Variants in YJU2B observed in about 807,000 individuals in gnomAD.
YJU2B encodes the protein YJU2 splicing factor homolog B, also known as probable splicing factor YJU2B.
YJU2B carries 18 observed loss-of-function variants against 38.0 expected under a neutral mutation model. The observed-to-expected ratio is 0.47, with a 90% confidence interval of 0.33 to 0.70. YJU2B has a LOEUF of 0.70. YJU2B is among the 30% of genes least tolerant of loss of function. YJU2B has a pLI of 0.02. For synonymous variants in YJU2B, 246 were observed against 225.4 expected, an observed-to-expected ratio of 1.09 and a Z score of -0.82; for missense variants, 538 against 556.3, an observed-to-expected ratio of 0.97 and a Z score of 0.33.
intron 3 of YJU2B, 98 bp downstream of exon 3, chr19:13,754,440 C>A: frequency 9.6e-7 from 1 of 1,042,896 alleles, no homozygotes; most frequent in East Asian, 2.4e-5. Context: ...GGGTGGCCCC[C>A]AAGGTCTTTT....
chr19:13,733,150 C>T (rs1365872278), intron 2 of YJU2B, among the ~76,000 whole-genome samples: 2 of 150,246 alleles, frequency 1.3e-5, no homozygotes, highest in African/African-American at 2.4e-5. Context: ...AGGATAGTCT[C>T]GATCTCCTGA....
chr19:13,751,520 A>G (rs1307561551), intron 1 of YJU2B, 88 bp from the exon 2 acceptor site: 8 of 458,978 alleles, frequency 1.7e-5, no homozygotes, highest in South Asian at 1.3e-4. Context: ...TGGGTGCTGG[A>G]CCCGGTGGGG....
intron 4 of YJU2B, among the ~76,000 whole-genome samples, chr19:13,757,066 A>T (rs368921098): frequency 1.3e-5 from 2 of 151,514 alleles, no homozygotes; most frequent in Non-Finnish European, 2.9e-5. Context: ...GCTTGAACCC[A>T]GGAGGCAGAG....
At position 13,762,967 on chromosome 19, in the gene YJU2B, G is replaced by A; in HGVS notation, c.1090G>A (p.Ala364Thr). 6.2e-7 allele frequency: 1 copy of A among 1,611,676 alleles called. No homozygotes were observed. Among genetic ancestry groups the A allele is most frequent in the Non-Finnish European group, 8.5e-7 (1 of 1,179,502 alleles). The change falls in exon 10 of 10, where the codon GCA (alanine) becomes ACA (threonine). Residue 364 changes from alanine to threonine, a missense_variant. Around this residue, in one of 2 missense-constraint regions of YJU2B, gnomAD observed 488 missense variants for 469.5 expected, o/e 1.04. Transcript: ENST00000221554. ...CCGTCAGGACAAGCCCCTGTCGCCA[G>A]CAGGCTCCTCCCAGGAGGCAGCTGA... is the stretch of plus-strand genomic sequence containing the variant. ...GSRQDKPLSP[A>T]GSSQEAADTP...
intron 2 of YJU2B, among the ~76,000 whole-genome samples, chr19:13,742,386 T>G (rs1021314719): frequency 7.3e-6 from 1 of 137,098 alleles, no homozygotes; most frequent in African/African-American, 2.7e-5. Flanking sequence ...CACTGCAACC[T>G]CCGCCTCCCG....
intron 9 of YJU2B, 71 bp downstream of exon 9, chr19:13,762,508 C>A: frequency 6.3e-7 from 1 of 1,576,696 alleles, no homozygotes; most frequent in Non-Finnish European, 8.6e-7. Flanking sequence ...GGTCCTCAGC[C>A]ATGAGTGGAC....
chr19:13,740,143 C>A (rs536878666), intron 2 of YJU2B, among the ~76,000 whole-genome samples: 4 of 152,314 alleles, frequency 2.6e-5, no homozygotes, highest in African/African-American at 7.2e-5. Context: ...AAATTGAGTT[C>A]ATGTCCTTTG....
rs765932109 is a variant in YJU2B, at chr19:13,757,798, A to G, written c.209A>G (p.Asn70Ser). 6.2e-7 allele frequency: 1 copy of G among 1,614,026 alleles called. No homozygotes were observed. Residue 70 changes from asparagine to serine, a missense_variant, in exon 6 of 10, where the codon AAT becomes AGT. Transcript: ENST00000221554. ...KNHIGMGVRYNAEKKKVGNYY... is the reference protein window; with the variant it reads ...KNHIGMGVRYSAEKKKVGNYY... ...GACCCCCTTCCAGGTGTTCGTTACAATGCAGAAAAGAAGAAGGTGGGCAAT... is the reference window on the plus strand; with the variant it reads ...GACCCCCTTCCAGGTGTTCGTTACAGTGCAGAAAAGAAGAAGGTGGGCAAT...
At position 13,751,775 on chromosome 19, in the gene YJU2B, C is replaced by A; in HGVS notation, c.-34C>A. 1 of 1,613,846 alleles carries A rather than the reference C, an allele frequency of 6.2e-7. No homozygotes were observed. The highest frequency in any genetic ancestry group is 1.1e-5 in the South Asian group (1 of 91,076). On this transcript the variant is annotated 5_prime_UTR_variant, in exon 2 of 10. Coordinates refer to ENST00000221554, the MANE Select transcript of YJU2B (RefSeq NM_030818.4). ...CACAAGGCCAGTTTCTGATCGTCCG[C>A]CCCGAGGCTGAGGACCAGTAGGCAG...
chr19:13,762,905 C>T lies in YJU2B; in HGVS notation c.1028C>T (p.Thr343Ile), dbSNP rs765545650. The T allele has an allele frequency of 1.2e-6, 2 of 1,611,788 alleles. No individual in the cohort carries two copies. The highest frequency in any genetic ancestry group is 4.5e-5 in the East Asian group (2 of 44,870). ...GACTGTCCTCCGGAAACAACTGAGA[C>T]CCCCAAGTGCAGCAGCCCGAGGGGG... ...PGDCPPETTE[T>I]PKCSSPRGQE... The change falls in exon 10 of 10, where the codon ACC becomes ATC. Residue 343 changes from threonine to isoleucine, a missense_variant. Thr to Ile is a moderately conservative substitution (Grantham distance 89). This residue lies in a region of YJU2B where 488 missense variants were observed against 469.5 expected (regional missense o/e 1.04). Coordinates refer to ENST00000221554, the MANE Select transcript of YJU2B (RefSeq NM_030818.4).
intron 8 of YJU2B, chr19:13,759,600 C>G: frequency 4.8e-6 from 1 of 209,418 alleles, no homozygotes; most frequent in Non-Finnish European, 9.4e-6. Context: ...CCCCCAGCAT[C>G]TCTAAATAAA....
intron 8 of YJU2B, among the ~76,000 whole-genome samples, chr19:13,761,000 C>T (rs556575722): frequency 6.6e-6 from 1 of 152,086 alleles, no homozygotes; most frequent in South Asian, 2.1e-4. Context: ...AAATCCTGGC[C>T]TCATGTGATC....
chr19:13,743,010 C>T (rs998506736), upstream of YJU2B, among the ~76,000 whole-genome samples: 9 of 152,200 alleles, frequency 5.9e-5, no homozygotes, highest in African/African-American at 2.2e-4. Context: ...TCTGCTTACC[C>T]AGCACAGTAA....
intron 2 of YJU2B, 147 bp from the exon 3 acceptor site, chr19:13,754,142 A>G (rs1026823676): frequency 2.5e-5 from 16 of 649,994 alleles, no homozygotes; most frequent in African/African-American, 7.2e-5. Context: ...ACTGCACTCC[A>G]GCATGGGTGA....
intron 1 of YJU2B, among the ~76,000 whole-genome samples, chr19:13,749,790 G>A (rs1435583161): frequency 1.3e-5 from 2 of 151,768 alleles, no homozygotes; most frequent in East Asian, 3.9e-4. Flanking sequence ...CCGCCACCAC[G>A]CCCAGCTAAT....
Position 13,763,267 on chromosome 19 carries a change from G to A in YJU2B, c.*199G>A. On this transcript the variant is annotated 3_prime_UTR_variant, in exon 10 of 10. Transcript: ENST00000221554. ...GGGTGTTTGTGCCTTGTGAGACTCC[G>A]TACATTAAAGACCTGTCTCTTCTTC... 2 of 534,806 alleles carry A rather than the reference G, an allele frequency of 3.7e-6. No individual in the cohort carries two copies. Among genetic ancestry groups the A allele is most frequent in the South Asian group, 2.8e-5 (1 of 35,160 alleles). 33.1% of individuals were successfully genotyped at this position (534,806 alleles called of 1,614,324 possible). A position where few individuals can be genotyped will look rare whatever the true frequency, so the allele number is the denominator to read the frequency against.
At chr19:13,753,502 A>G (rs1973547879) in intron 2 of YJU2B, among the ~76,000 whole-genome samples, 2 of 136,994 alleles carry the variant, frequency 1.5e-5, no homozygotes, top group Non-Finnish European at 3.0e-5. Flanking sequence ...TGAATCCGGG[A>G]GGCGGAGGTT....
At position 13,740,989 on chromosome 19, in the gene YJU2B, CAGTG is replaced by C. The variant is rs536888244; in HGVS notation, c.-202+8707_-202+8710del. On this transcript the variant is annotated intron_variant, in intron 2 of 10. Transcript: ENST00000586600. ...CACCCAGATTCCTGACCCAAAGAAA[CAGTG>C]AGATAATAAATGTTTTAGGCCTCTA... 3.7e-3 allele frequency among the ~76,000 whole-genome samples: 558 copies of C among 152,236 alleles called. 3 individuals carry two copies. The highest frequency in any genetic ancestry group is 0.012 in the African/African-American group (515 of 41,528).
chr19:13,752,143 C>T (rs952259197), intron 2 of YJU2B, among the ~76,000 whole-genome samples: 3 of 151,868 alleles, frequency 2.0e-5, no homozygotes, highest in South Asian at 2.1e-4. Flanking sequence ...TTAGTAGAGA[C>T]GGGGTTTTGC....
Sources: allele counts gnomAD v4.1 joint callset (sites outside exome capture counted in the v4.1 genomes callset), GRCh38; gene constraint gnomAD v4.1.1; regional missense constraint gnomAD v4.1.1; transcripts MANE v1.5; gene names NCBI Gene and HGNC (gene_info 2026-07-23, HGNC 2026-07-21).